The following SGCZ variants were observed in gnomAD, a reference collection of about 807,000 sequenced individuals.
The protein encoded by SGCZ is sarcoglycan zeta.
Under a neutral mutation model 41.3 loss-of-function variants are expected in SGCZ, and 40 were observed. The ratio of observed to expected loss-of-function variants is 0.97; its 90% CI spans 0.75 to 1.26. The LOEUF (loss-of-function observed/expected upper bound fraction) is 1.26. SGCZ is among the 50% of genes most tolerant of loss of function. SGCZ has a pLI of 0.00. For synonymous variants in SGCZ, 206 were observed against 137.5 expected, an observed-to-expected ratio of 1.50 and a Z score of -3.49; for missense variants, 552 against 369.8, an observed-to-expected ratio of 1.49 and a Z score of -4.04.
At chr8:14,735,763 A>G (rs34542853) in intron 1 of SGCZ, among the ~76,000 whole-genome samples, 57,828 of 151,938 alleles carry the variant, frequency 0.38, 13,403 homozygotes, top group African/African-American at 0.65. Context: ...ATACCTACTA[A>G]TATTAATATA....
chr8:15,049,348 T>C (rs1425032350), intron 1 of SGCZ, among the ~76,000 whole-genome samples: 1 of 152,156 alleles, frequency 6.6e-6, no homozygotes, highest in East Asian at 1.9e-4. Flanking sequence ...ATTGCTAGCA[T>C]GGCTAGAAGA....
At chr8:15,186,789 A>G (rs1800361211) in intron 1 of SGCZ, among the ~76,000 whole-genome samples, 1 of 152,228 alleles carries the variant, frequency 6.6e-6, no homozygotes, top group African/African-American at 2.4e-5. Context: ...TTAGTGAGAC[A>G]AAGAAGTCTA....
intron 1 of SGCZ, among the ~76,000 whole-genome samples, chr8:14,659,130 T>C (rs1807668212): frequency 1.3e-5 from 2 of 152,186 alleles, no homozygotes; most frequent in African/African-American, 4.8e-5. Flanking sequence ...TAAAGTTTAG[T>C]TACATTTATT....
chr8:14,974,962 G>T (rs1387408221), intron 1 of SGCZ, among the ~76,000 whole-genome samples: 1 of 151,884 alleles, frequency 6.6e-6, no homozygotes, highest in African/African-American at 2.4e-5. Context: ...TTGGGAAAAG[G>T]GACTTAAGGT....
chr8:14,455,974 C>T (rs542018807), intron 2 of SGCZ, among the ~76,000 whole-genome samples: 1 of 152,238 alleles, frequency 6.6e-6, no homozygotes, highest in Non-Finnish European at 1.5e-5. Flanking sequence ...TAGTTACCTA[C>T]AGTTGGAGGG....
chr8:14,608,173 G>A (rs753481895), intron 1 of SGCZ, among the ~76,000 whole-genome samples: 1 of 150,958 alleles, frequency 6.6e-6, no homozygotes, highest in Non-Finnish European at 1.5e-5. Context: ...AAAATGAAGC[G>A]CCAAAACTCT....
chr8:14,167,005 T>C (rs1563163537), intron 4 of SGCZ, among the ~76,000 whole-genome samples: 1 of 152,098 alleles, frequency 6.6e-6, no homozygotes, highest in African/African-American at 2.4e-5. Context: ...ATTAGCATAA[T>C]TACAGAAGGC....
At chr8:14,737,050 T>G (rs1799058253) in intron 1 of SGCZ, among the ~76,000 whole-genome samples, 1 of 149,550 alleles carries the variant, frequency 6.7e-6, no homozygotes, top group Non-Finnish European at 1.5e-5. Flanking sequence ...GACATATAGC[T>G]ATATATCTAT....
chr8:14,825,872 C>T (rs1181099621), intron 1 of SGCZ, among the ~76,000 whole-genome samples: 1 of 152,168 alleles, frequency 6.6e-6, no homozygotes, highest in Non-Finnish European at 1.5e-5. Flanking sequence ...TTACCACAAA[C>T]TGCAGGATTT....
At chr8:14,652,342 A>AG (rs1807427286) in intron 1 of SGCZ, among the ~76,000 whole-genome samples, 2 of 16,624 alleles carry the variant, frequency 1.2e-4, no homozygotes, top group African/African-American at 2.4e-4. Context: ...CTCAAAAAAA[A>AG]AAAAGGGGGG....
intron 1 of SGCZ, among the ~76,000 whole-genome samples, chr8:14,810,382 C>G (rs1420024588): frequency 6.6e-6 from 1 of 151,940 alleles, no homozygotes; most frequent in South Asian, 2.1e-4. Flanking sequence ...TTCATATTAA[C>G]ATTTTTTAAG....
At chr8:14,392,628 C>G (rs912613301) in intron 2 of SGCZ, among the ~76,000 whole-genome samples, 1 of 152,118 alleles carries the variant, frequency 6.6e-6, no homozygotes, top group Non-Finnish European at 1.5e-5. Flanking sequence ...CATTTTATAA[C>G]ATAGGCAGAT....
At chr8:14,593,093 C>T (rs527310779) in intron 1 of SGCZ, among the ~76,000 whole-genome samples, 78 of 152,218 alleles carry the variant, frequency 5.1e-4, no homozygotes, top group Non-Finnish European at 9.4e-4. Flanking sequence ...CTCCTCACCC[C>T]CAAAGATGTC....
At chr8:14,874,132 G>C (rs566752579) in intron 1 of SGCZ, among the ~76,000 whole-genome samples, 28 of 152,218 alleles carry the variant, frequency 1.8e-4, no homozygotes, top group African/African-American at 6.5e-4. Context: ...TCAGTAGTTT[G>C]AGAACTTCTA....
At chr8:14,553,632 C>A (rs774086501) in intron 2 of SGCZ, among the ~76,000 whole-genome samples, 1 of 152,040 alleles carries the variant, frequency 6.6e-6, no homozygotes, top group Admixed American at 6.6e-5. Context: ...AGGCTCCTTG[C>A]TCACATAATT....
intron 6 of SGCZ, among the ~76,000 whole-genome samples, chr8:14,107,239 TAAAA>T (rs200495044): frequency 6.9e-6 from 1 of 145,328 alleles, no homozygotes; most frequent in African/African-American, 2.5e-5. Flanking sequence ...AAAAAATAAA[TAAAA>T]AAAAAAAACA....
At chr8:14,455,561 C>T (rs771070240) in intron 2 of SGCZ, among the ~76,000 whole-genome samples, 2 of 151,864 alleles carry the variant, frequency 1.3e-5, no homozygotes, top group Non-Finnish European at 2.9e-5. Context: ...ATAGATAGAT[C>T]GATCTCCATT....
chr8:15,057,164 T>C (rs754186839), intron 1 of SGCZ, among the ~76,000 whole-genome samples: 1 of 152,124 alleles, frequency 6.6e-6, no homozygotes, highest in East Asian at 1.9e-4. Flanking sequence ...GAAGAACATA[T>C]GGGAAGTACA....
intron 1 of SGCZ, among the ~76,000 whole-genome samples, chr8:14,807,850 C>A (rs577152862): frequency 4.6e-5 from 7 of 152,144 alleles, no homozygotes; most frequent in Admixed American, 3.9e-4. Flanking sequence ...GCTACAGTAA[C>A]CAAAACAGCA....
Sources: gnomAD v4.1 joint callset for allele counts (sites outside exome capture counted in the v4.1 genomes callset) on GRCh38, gnomAD v4.1.1 for gene constraint, MANE v1.5 for transcripts, NCBI Gene and HGNC (gene_info 2026-07-23, HGNC 2026-07-21) for gene names.